The following TBC1D30 variants were observed in gnomAD, a reference collection of about 807,000 sequenced individuals.
TBC1D30 encodes TBC1 domain family member 30.
In TBC1D30, 31 loss-of-function variants were observed where a neutral mutation model predicts 63.2. The observed-to-expected ratio is 0.49, with a 90% CI of 0.37 to 0.66. The LOEUF is 0.66. Among genes scored for constraint, TBC1D30 ranks in the 30% least tolerant of loss-of-function variants. TBC1D30 has a pLI of 0.00. For missense variants in TBC1D30, 810 were observed against 953.6 expected, an observed-to-expected ratio of 0.85 and a Z score of 1.98; for synonymous variants, 307 against 361.5, an observed-to-expected ratio of 0.85 and a Z score of 1.71.
chr12:64,796,427 G>A (rs1872274845), intron 2 of TBC1D30, among the ~76,000 whole-genome samples: 1 of 152,082 alleles, frequency 6.6e-6, no homozygotes, highest in Admixed American at 6.5e-5. Context: ...ACAGCCAGCA[G>A]GGGGAGCTCC....
intron 2 of TBC1D30, among the ~76,000 whole-genome samples, chr12:64,788,643 A>G (rs1480970165): frequency 6.6e-6 from 1 of 152,116 alleles, no homozygotes; most frequent in Admixed American, 6.5e-5. Flanking sequence ...ACAAGCGCTC[A>G]CCGTAATTCA....
chr12:64,765,064 C>A (rs924300077), intron 1 of TBC1D30, among the ~76,000 whole-genome samples: 13 of 152,096 alleles, frequency 8.5e-5, no homozygotes, highest in Admixed American at 8.5e-4. Context: ...TGGGTACAGC[C>A]CTCAAAAGAT....
At chr12:64,768,987 T>C (rs1474732272) in intron 1 of TBC1D30, among the ~76,000 whole-genome samples, 1 of 151,992 alleles carries the variant, frequency 6.6e-6, no homozygotes, top group East Asian at 1.9e-4. Flanking sequence ...CAAAACCCCA[T>C]CGCTACAATA....
chr12:64,851,186 G>A (rs554055328), intron 8 of TBC1D30, among the ~76,000 whole-genome samples: 19 of 151,870 alleles, frequency 1.3e-4, no homozygotes, highest in Admixed American at 2.0e-4. Context: ...TCTGGCTAGC[G>A]GTCTGTCTAT....
rs1164851690 is a variant in TBC1D30 at position 64,877,159 on chromosome 12, C to G, written c.*1371C>G. On this transcript the variant is annotated 3_prime_UTR_variant, in exon 12 of 12. Transcript: ENST00000539867. ...CCAGCTCTGACTTCCTTATCCTGAA[C>G]AGGGAGTTTATTTTAAAAATGCTTC... is the stretch of plus-strand genomic sequence containing the variant. 2 of 246,442 alleles carry G rather than the reference C, an allele frequency of 8.1e-6. No homozygotes were observed. The highest frequency in any genetic ancestry group is 1.9e-4 in the East Asian group (2 of 10,304). 15.3% of individuals were successfully genotyped at this position (246,442 alleles called of 1,614,324 possible).
At position 64,872,278 on chromosome 12, in the gene TBC1D30, T is replaced by G. The variant is rs574660694; in HGVS notation, c.1498+1470T>G. ...TCTGACCTCAGGTGATCTGCCCACC[T>G]TGGCCTCCCAAAGTGCTGGGATTAC... On this transcript the variant is annotated intron_variant, in intron 11 of 11. Coordinates refer to ENST00000539867, the MANE Select transcript of TBC1D30 (RefSeq NM_015279.2). Among the ~76,000 whole-genome samples, 26 of 152,322 alleles carry G rather than the reference T, an allele frequency of 1.7e-4. No homozygotes were observed. The South Asian group carries it at 4.1e-3, about 24-fold the overall frequency.
At chr12:64,872,456 C>A (rs1296200266) in intron 11 of TBC1D30, among the ~76,000 whole-genome samples, 1 of 152,194 alleles carries the variant, frequency 6.6e-6, no homozygotes, top group Non-Finnish European at 1.5e-5. Flanking sequence ...CTGACCCCTT[C>A]TTCAGATCAT....
rs1383974193 is a variant in TBC1D30 at position 64,870,636 on chromosome 12, C to G, written c.1326C>G (p.Asn442Lys). 1 of 1,536,168 alleles carries G rather than the reference C, an allele frequency of 6.5e-7. No homozygotes were observed. The highest frequency in any genetic ancestry group is 8.7e-7 in the Non-Finnish European group (1 of 1,146,906). Reference protein sequence around the residue: ...PNEEQSLRSNNIAELSPGAIN... With the variant: ...PNEEQSLRSNKIAELSPGAIN... ...AGGAGCAGAGTCTGAGATCTAATAACATTGCAGAGCTGAGTCCAGGAGCAA... is the reference window on the plus strand; with the variant it reads ...AGGAGCAGAGTCTGAGATCTAATAAGATTGCAGAGCTGAGTCCAGGAGCAA... The change falls in exon 11 of 12, where the codon AAC (asparagine) becomes AAG (lysine). Residue 442 changes from asparagine to lysine, a missense_variant. Physicochemically the swap from Asn to Lys is moderately conservative, Grantham distance 94. Around this residue, in one of 4 missense-constraint regions of TBC1D30, gnomAD observed 450 missense variants for 473.0 expected, o/e 0.95. Transcript: ENST00000539867.
intron 6 of TBC1D30, among the ~76,000 whole-genome samples, 179 bp downstream of exon 6, chr12:64,836,837 T>G (rs1592614675): frequency 1.3e-5 from 2 of 152,152 alleles, no homozygotes; most frequent in South Asian, 4.2e-4. Context: ...GGCCACATGT[T>G]GAACCTCTAA....
intron 1 of TBC1D30, among the ~76,000 whole-genome samples, chr12:64,827,263 A>G (rs1874438603): frequency 1.3e-5 from 2 of 152,204 alleles, no homozygotes; most frequent in Non-Finnish European, 2.9e-5. Context: ...CAGCCTGACC[A>G]ACATGACGAA....
In TBC1D30 at chr12:64,830,366, T is replaced by C. The variant is rs1312188678; in HGVS notation, c.283-11T>C. 6.6e-7 allele frequency: 1 copy of C among 1,517,048 alleles called. No homozygotes were observed. Among genetic ancestry groups the C allele is most frequent in the African/African-American group, 1.4e-5 (1 of 72,880 alleles). 94.0% of individuals were successfully genotyped at this position (1,517,048 alleles called of 1,614,324 possible). A position where few individuals can be genotyped will look rare whatever the true frequency, so the allele number is the denominator to read the frequency against. ...ACTTTGGCATTCTCCTTTGTCTATG[T>C]AATATTTTAGGTTTGGTTGACCTTG... On this transcript the variant is annotated splice_polypyrimidine_tract_variant and intron_variant, in intron 3 of 11. Transcript: ENST00000539867.
chr12:64,807,194 G>C (rs114268097), intron 2 of TBC1D30, among the ~76,000 whole-genome samples: 1,675 of 152,256 alleles, frequency 0.011, 44 homozygotes, highest in African/African-American at 0.039. Flanking sequence ...CACAAGATCC[G>C]ATGGCTTTAC....
At position 64,810,300 on chromosome 12, in the gene TBC1D30, T is replaced by G. The variant is rs1206673344; in HGVS notation, c.644-17535T>G. The stretch of plus-strand genomic sequence containing the variant: ...CTCTGTTCTTACAGCACCATCTTTT[T>G]GCCTCATTTCTTTGCTCTACTCTAT... On this transcript the variant is annotated intron_variant, in intron 2 of 12. Transcript: ENST00000542120. Among the ~76,000 whole-genome samples, 5 of 152,206 alleles carry G rather than the reference T, an allele frequency of 3.3e-5. No individual in the cohort carries two copies. In the South Asian group the frequency reaches 8.3e-4, roughly 25 times the overall value.
intron 7 of TBC1D30, among the ~76,000 whole-genome samples, chr12:64,840,619 C>T (rs1010203946): frequency 6.6e-6 from 1 of 152,180 alleles, no homozygotes; most frequent in African/African-American, 2.4e-5. Flanking sequence ...GCACTGTTGT[C>T]ATCTCCATTT....
At chr12:64,768,890 C>T (rs752352340) in intron 1 of TBC1D30, among the ~76,000 whole-genome samples, 129 of 152,250 alleles carry the variant, frequency 8.5e-4, no homozygotes, top group Non-Finnish European at 6.0e-4. Context: ...AGTGTGGTGG[C>T]TCATGACTGT....
intron 8 of TBC1D30, among the ~76,000 whole-genome samples, chr12:64,853,488 G>A (rs1188538734): frequency 6.6e-6 from 1 of 152,158 alleles, no homozygotes; most frequent in African/African-American, 2.4e-5. Flanking sequence ...CCCCTTTCCA[G>A]AGGAGTGAAC....
Position 64,875,629 on chromosome 12 carries a change from T to C in TBC1D30, c.2127T>C (p.Phe709=), listed in dbSNP as rs1389124484. 1 of 1,536,126 alleles carries C rather than the reference T, an allele frequency of 6.5e-7. No individual in the cohort carries two copies. Residue 709 remains phenylalanine, a synonymous_variant, in exon 12 of 12, where the codon TTT becomes TTC. Coordinates refer to ENST00000539867, the MANE Select transcript of TBC1D30 (RefSeq NM_015279.2). ...GCAGCAACTCAAAAACCCCCATCTT[T>C]AGCCCTTTTCCCAGCGTCAAGCCCC... ...PQGSNSKTPI[F]SPFPSVKPLR... is the part of the protein sequence containing the mutation.
chr12:64,771,212 G>A (rs1254212984), intron 1 of TBC1D30, among the ~76,000 whole-genome samples: 1 of 151,804 alleles, frequency 6.6e-6, no homozygotes, highest in Non-Finnish European at 1.5e-5. Flanking sequence ...GGTATTCCGT[G>A]TGTAAGATGC....
chr12:64,807,704 GTTTT>G, intron 2 of TBC1D30, among the ~76,000 whole-genome samples: 1 of 151,738 alleles, frequency 6.6e-6, no homozygotes, highest in African/African-American at 2.4e-5. Context: ...TCCCAAACTG[GTTTT>G]TTTACCAGTT....
Sources: gnomAD v4.1 joint callset for allele counts (sites outside exome capture counted in the v4.1 genomes callset) on GRCh38, gnomAD v4.1.1 for gene constraint, gnomAD v4.1.1 regional missense constraint, MANE v1.5 for transcripts, NCBI Gene and HGNC (gene_info 2026-07-23, HGNC 2026-07-21) for gene names.